GPR158: variants seen among roughly 807,000 people sequenced by gnomAD.
The protein encoded by GPR158 is metabotropic glycine receptor.
A neutral mutation model predicts 78.2 loss-of-function variants in GPR158; 30 were observed. The observed-to-expected ratio is 0.38, with a 90% CI of 0.29 to 0.52. The LOEUF is 0.52. Ranked by LOEUF, GPR158 falls within the 20% of genes least tolerant of loss-of-function variation. The probability of loss-of-function intolerance (pLI) is 0.83; values close to 1 mark genes in which losing one functional copy is unlikely to be tolerated. For synonymous variants in GPR158, 581 were observed against 591.1 expected (o/e 0.98, Z 0.25); for missense variants, 1,463 against 1,523.5 (o/e 0.96, Z 0.66).
In GPR158 at chr10:25,267,115, C is replaced by T. The variant is rs186043082; in HGVS notation, c.1008+45958C>T. Among the ~76,000 whole-genome samples the T allele has an allele frequency of 4.6e-3, 699 of 152,190 alleles. 8 individuals are homozygous for T. Among genetic ancestry groups the T allele is most frequent in the African/African-American group, 0.015 (625 of 41,534 alleles). Reference sequence around the variant, plus strand: ...CCTCTTTTCCAGATCATATTATTAGCATTATAGCATGAACACAAAAATGAT... The same window carrying T: ...CCTCTTTTCCAGATCATATTATTAGTATTATAGCATGAACACAAAAATGAT... On this transcript the variant is annotated intron_variant, in intron 2 of 10. Coordinates refer to ENST00000376351, the MANE Select transcript of GPR158 (RefSeq NM_020752.3).
chr10:25,217,008 C>T (rs182474131), intron 1 of GPR158, among the ~76,000 whole-genome samples: 5 of 152,066 alleles, frequency 3.3e-5, no homozygotes, highest in African/African-American at 9.6e-5. Context: ...AGGGAATTGT[C>T]GGGATTGGGT....
chr10:25,368,066 C>G (rs537087613), intron 2 of GPR158, among the ~76,000 whole-genome samples: 1 of 151,968 alleles, frequency 6.6e-6, no homozygotes, highest in South Asian at 2.1e-4. Context: ...CTCTGAAGTT[C>G]ATCTTTTAAG....
chr10:25,489,428 T>C (rs944164614), intron 5 of GPR158, among the ~76,000 whole-genome samples: 1 of 152,176 alleles, frequency 6.6e-6, no homozygotes, highest in African/African-American at 2.4e-5. Context: ...GAATGGCTGA[T>C]GTGAATTTGA....
chr10:25,559,267 A>G (rs922990487), intron 6 of GPR158, among the ~76,000 whole-genome samples: 3 of 152,134 alleles, frequency 2.0e-5, no homozygotes, highest in Non-Finnish European at 4.4e-5. Context: ...TAGCCACTCC[A>G]GTTTCCTTTT....
intron 4 of GPR158, among the ~76,000 whole-genome samples, chr10:25,430,551 C>T (rs1349784972): frequency 6.6e-6 from 1 of 150,608 alleles, no homozygotes; most frequent in East Asian, 1.9e-4. Context: ...CCTGCATCGC[C>T]AAGTCAATCC....
At chr10:25,202,239 T>A (rs1390668999) in intron 1 of GPR158, among the ~76,000 whole-genome samples, 1 of 152,110 alleles carries the variant, frequency 6.6e-6, no homozygotes, top group African/African-American at 2.4e-5. Context: ...GGAGGCTGTA[T>A]GTCTCTAGGA....
chr10:25,539,320 A>T (rs1836542990), intron 5 of GPR158, among the ~76,000 whole-genome samples: 1 of 152,130 alleles, frequency 6.6e-6, no homozygotes, highest in African/African-American at 2.4e-5. Flanking sequence ...CCCAATGAGG[A>T]GGAGTATGAA....
intron 7 of GPR158, among the ~76,000 whole-genome samples, chr10:25,573,599 T>TTC (rs1837044443): frequency 1.3e-5 from 2 of 152,252 alleles, no homozygotes; most frequent in Non-Finnish European, 2.9e-5. Context: ...CTCATATTAG[T>TTC]CTATTTTAAA....
intron 2 of GPR158, among the ~76,000 whole-genome samples, chr10:25,260,198 G>A (rs1402925882): frequency 6.6e-6 from 1 of 151,916 alleles, no homozygotes; most frequent in Non-Finnish European, 1.5e-5. Context: ...TACTTTATTA[G>A]GCCAAGGAAT....
intron 2 of GPR158, among the ~76,000 whole-genome samples, chr10:25,292,567 G>A (rs1403802986): frequency 6.6e-6 from 1 of 152,002 alleles, no homozygotes; most frequent in Non-Finnish European, 1.5e-5. Flanking sequence ...CATTGAATGA[G>A]GGAGTAAACA....
intron 2 of GPR158, among the ~76,000 whole-genome samples, chr10:25,341,473 G>T (rs1051667097): frequency 2.0e-5 from 3 of 151,584 alleles, no homozygotes; most frequent in Non-Finnish European, 4.4e-5. Flanking sequence ...AATAGTAAAA[G>T]GATAAATAAC....
At chr10:25,197,364 C>A (rs1395640378) in intron 1 of GPR158, among the ~76,000 whole-genome samples, 1 of 151,960 alleles carries the variant, frequency 6.6e-6, no homozygotes, top group Non-Finnish European at 1.5e-5. Context: ...CAGTCATATA[C>A]AGTTTCAATG....
intron 2 of GPR158, among the ~76,000 whole-genome samples, chr10:25,339,343 T>C (rs952461205): frequency 2.0e-5 from 3 of 152,140 alleles, no homozygotes; most frequent in Non-Finnish European, 4.4e-5. Flanking sequence ...ATTTTAATTT[T>C]CTACCTGCTT....
Position 25,433,576 on chromosome 10 carries a change from C to CGCGCGT in GPR158, c.1335+21114_1335+21119dup, listed in dbSNP as rs202106057. Reference sequence around the variant, plus strand: ...GTGTGTGTGTGTGTGTGTGTGCGCGCGCGCGTGCGCGTGCGCATATATGAA... The same window carrying CGCGCGT: ...GTGTGTGTGTGTGTGTGTGTGCGCGCGCGCGTGCGCGTGCGCGTGCGCATATATGAA... On this transcript the variant is annotated intron_variant, in intron 4 of 10. Coordinates refer to ENST00000376351, the MANE Select transcript of GPR158 (RefSeq NM_020752.3). 6.9e-5 allele frequency among the ~76,000 whole-genome samples: 8 copies of CGCGCGT among 116,108 alleles called. No individual in the cohort carries two copies. The East Asian group carries it at 1.6e-3, about 24-fold the overall frequency. The allele number at this position is 116,108 out of a possible 152,430, so 76.2% of individuals were successfully genotyped here. A position where few individuals can be genotyped will look rare whatever the true frequency, so the allele number is the denominator to read the frequency against.
chr10:25,418,298 T>C (rs1465698151), intron 4 of GPR158, among the ~76,000 whole-genome samples: 1 of 152,232 alleles, frequency 6.6e-6, no homozygotes, highest in Non-Finnish European at 1.5e-5. Context: ...CTAGCCATCA[T>C]TGATGAAATA....
chr10:25,531,596 G>A (rs1411187150), intron 5 of GPR158, among the ~76,000 whole-genome samples: 2 of 150,442 alleles, frequency 1.3e-5, no homozygotes, highest in Non-Finnish European at 1.5e-5. Flanking sequence ...GAAACAGGCT[G>A]GCAAAGTGGC....
intron 4 of GPR158, chr10:25,466,190 C>T (rs1372514223): frequency 6.5e-6 from 1 of 152,814 alleles, no homozygotes; most frequent in Non-Finnish European, 1.5e-5. Context: ...CTTTCACTTT[C>T]ATTTTAATAA....
At chr10:25,314,914 A>T (rs1433080069) in intron 2 of GPR158, among the ~76,000 whole-genome samples, 1 of 145,710 alleles carries the variant, frequency 6.9e-6, no homozygotes, top group Admixed American at 6.8e-5. Flanking sequence ...ATACACACAC[A>T]CACACACACA....
At chr10:25,289,889 A>G (rs773604909) in intron 2 of GPR158, among the ~76,000 whole-genome samples, 3 of 152,226 alleles carry the variant, frequency 2.0e-5, no homozygotes, top group African/African-American at 4.8e-5. Context: ...GAGAAATCCT[A>G]TTGTAAATTC....
Sources: gnomAD v4.1 joint callset for allele counts (sites outside exome capture counted in the v4.1 genomes callset) on GRCh38, gnomAD v4.1.1 for gene constraint, MANE v1.5 for transcripts, NCBI Gene and HGNC (gene_info 2026-07-23, HGNC 2026-07-21) for gene names.